TTLL5: variants seen among roughly 807,000 people sequenced by gnomAD.
TTLL5 encodes tubulin tyrosine ligase like 5.
In TTLL5, 132 loss-of-function variants were observed where a neutral mutation model predicts 168.4. The observed-to-expected ratio is 0.78, with a 90% CI of 0.68 to 0.91. The LOEUF (loss-of-function observed/expected upper bound fraction) is 0.91, where lower values mean the gene tolerates loss of function less well. Ranked by LOEUF, TTLL5 falls within the 40% of genes least tolerant of loss-of-function variation. The probability of loss-of-function intolerance (pLI) is 0.00; values close to 1 mark genes in which losing one functional copy is unlikely to be tolerated. For missense variants in TTLL5, 1,545 were observed against 1,581.5 expected (o/e 0.98, Z 0.39); for synonymous variants, 546 against 558.6 (o/e 0.98, Z 0.32).
chr14:75,719,344 A>AT (rs1222527994), intron 10 of TTLL5, among the ~76,000 whole-genome samples: 1 of 152,232 alleles, frequency 6.6e-6, no homozygotes, highest in Non-Finnish European at 1.5e-5. Flanking sequence ...TGAAAATGGC[A>AT]TCAGAGGTTG....
At chr14:75,927,958 C>T (rs1015736674) in intron 31 of TTLL5, among the ~76,000 whole-genome samples, 14 of 152,032 alleles carry the variant, frequency 9.2e-5, no homozygotes, top group African/African-American at 3.4e-4. Flanking sequence ...GGCACCCCTC[C>T]CTGACACCAT....
chr14:75,707,564 T>A, intron 8 of TTLL5, 59 bp from the exon 9 acceptor site: 1 of 1,495,730 alleles, frequency 6.7e-7, no homozygotes, highest in Non-Finnish European at 9.2e-7. Context: ...TTGTTTATTC[T>A]GTAACAGGAA....
At chr14:75,911,085 C>T (rs1181436782) in intron 31 of TTLL5, among the ~76,000 whole-genome samples, 2 of 152,098 alleles carry the variant, frequency 1.3e-5, no homozygotes, top group African/African-American at 2.4e-5. Context: ...TGGAGTGCAG[C>T]GGCATGATCT....
chr14:75,715,963 G>A lies in TTLL5; in HGVS notation c.741-1898G>A, dbSNP rs368951116. On this transcript the variant is annotated intron_variant, in intron 9 of 31. Coordinates refer to ENST00000298832, the MANE Select transcript of TTLL5 (RefSeq NM_015072.5). ...TTGTAGTAACTACAAGAGATGAAAA[G>A]CCTCTTTTTCTGAAGCAGAAGCTTT... 1.6e-4 allele frequency among the ~76,000 whole-genome samples: 24 copies of A among 152,264 alleles called. No homozygotes were observed. The East Asian group carries it at 2.5e-3, about 16-fold the overall frequency.
chr14:75,771,935 G>A, intron 21 of TTLL5, 81 bp downstream of exon 21: 1 of 1,458,934 alleles, frequency 6.9e-7, no homozygotes, highest in East Asian at 2.4e-5. Context: ...TTCCTATTAG[G>A]GTAAAGTGCG....
intron 28 of TTLL5, among the ~76,000 whole-genome samples, chr14:75,822,102 G>C (rs141528742): frequency 1.3e-5 from 2 of 152,286 alleles, no homozygotes; most frequent in Non-Finnish European, 2.9e-5. Flanking sequence ...TCCAGACTTG[G>C]CTGTGATATA....
In TTLL5 at chr14:75,930,692, C is replaced by T. The variant is rs1486214163; in HGVS notation, c.3824-23732C>T. 7.3e-6 allele frequency: 7 copies of T among 964,062 alleles called. No homozygotes were observed. The East Asian group carries it at 8.0e-4, about 111-fold the overall frequency. The allele number at this position is 964,062 out of a possible 1,614,324, so 59.7% of individuals were successfully genotyped here. A position where few individuals can be genotyped will look rare whatever the true frequency, so the allele number is the denominator to read the frequency against. ...CAAAAATAGGATTAGGCAAAGAAAGCACTTTTATGGTTCTGAGAGAAAGAA... is the reference window on the plus strand; with the variant it reads ...CAAAAATAGGATTAGGCAAAGAAAGTACTTTTATGGTTCTGAGAGAAAGAA... On this transcript the variant is annotated intron_variant, in intron 31 of 31. Transcript: ENST00000298832.
At chr14:75,795,450 TG>T (rs1368024051) in intron 27 of TTLL5, among the ~76,000 whole-genome samples, 1 of 152,280 alleles carries the variant, frequency 6.6e-6, no homozygotes, top group East Asian at 1.9e-4. Flanking sequence ...AGTAGGTTTT[TG>T]GGGGAACAGG....
chr14:75,734,105 A>G (rs978698757), intron 14 of TTLL5, 55 bp downstream of exon 14: 2 of 1,566,070 alleles, frequency 1.3e-6, no homozygotes, highest in Non-Finnish European at 8.8e-7. Flanking sequence ...CGGAGCGTCC[A>G]TTTTATCAGA....
At chr14:75,669,374 G>A (rs1220584907) in intron 2 of TTLL5, 42 bp from the exon 3 acceptor site, 2 of 1,575,290 alleles carry the variant, frequency 1.3e-6, no homozygotes, top group Non-Finnish European at 1.7e-6. Flanking sequence ...GTTAGTTCAG[G>A]TTTTGAGCTG....
intron 29 of TTLL5, among the ~76,000 whole-genome samples, chr14:75,867,113 ATC>A (rs905239803): frequency 6.6e-6 from 1 of 152,236 alleles, no homozygotes; most frequent in African/African-American, 2.4e-5. Context: ...AGGCCATAGC[ATC>A]TCTGTTGCAA....
intron 31 of TTLL5, among the ~76,000 whole-genome samples, chr14:75,929,628 T>G (rs2034207652): frequency 6.6e-6 from 1 of 152,066 alleles, no homozygotes; most frequent in African/African-American, 2.4e-5. Context: ...AATTTTTGTA[T>G]TTTTAGTAGA....
At chr14:75,788,580 A>G (rs1275601099) in intron 26 of TTLL5, among the ~76,000 whole-genome samples, 3 of 152,208 alleles carry the variant, frequency 2.0e-5, no homozygotes, top group Non-Finnish European at 4.4e-5. Context: ...GAAAGTCTGA[A>G]TAGTCCTATA....
At chr14:75,756,962 T>TTTGTTG (rs138625752) in intron 18 of TTLL5, among the ~76,000 whole-genome samples, 2,908 of 150,598 alleles carry the variant, frequency 0.019, 88 homozygotes, top group African/African-American at 0.061. Context: ...CAATAGAGGT[T>TTTGTTG]TTGTTGTTGT....
intron 28 of TTLL5, among the ~76,000 whole-genome samples, chr14:75,824,692 T>TA (rs1233218877): frequency 1.3e-5 from 2 of 151,866 alleles, no homozygotes; most frequent in African/African-American, 2.4e-5. Context: ...ACTATACATG[T>TA]AAAAATGGTT....
chr14:75,754,005 G>A (rs1371863680), intron 18 of TTLL5, among the ~76,000 whole-genome samples: 1 of 151,834 alleles, frequency 6.6e-6, no homozygotes, highest in Admixed American at 6.6e-5. Flanking sequence ...ATAAATTTTG[G>A]CTATAACCTC....
At chr14:75,768,268 G>A (rs528995590) in intron 20 of TTLL5, among the ~76,000 whole-genome samples, 1 of 152,328 alleles carries the variant, frequency 6.6e-6, no homozygotes, top group East Asian at 1.9e-4. Flanking sequence ...TATGGTAAAA[G>A]CTGCAGAATG....
intron 27 of TTLL5, among the ~76,000 whole-genome samples, chr14:75,811,166 T>A (rs1347587404): frequency 6.7e-5 from 9 of 134,086 alleles, no homozygotes; most frequent in South Asian, 2.3e-4. Context: ...AGTGTGTGTG[T>A]GTGTGTGTGT....
chr14:75,756,569 G>A (rs1207540899), intron 18 of TTLL5, among the ~76,000 whole-genome samples: 2 of 151,008 alleles, frequency 1.3e-5, no homozygotes, highest in Admixed American at 6.6e-5. Flanking sequence ...GTGCAGTGGC[G>A]CAATCTCGGC....
Sources: allele counts gnomAD v4.1 joint callset (sites outside exome capture counted in the v4.1 genomes callset), GRCh38; gene constraint gnomAD v4.1.1; transcripts MANE v1.5; gene names NCBI Gene and HGNC (gene_info 2026-07-23, HGNC 2026-07-21).